LINGO2: variants seen among roughly 807,000 people sequenced by gnomAD.
The protein encoded by LINGO2 is leucine-rich repeat and immunoglobulin-like domain-containing nogo receptor-interacting protein 2.
Under a neutral mutation model 30.6 loss-of-function variants are expected in LINGO2, and 14 were observed. The ratio of observed to expected loss-of-function variants is 0.46; its 90% CI spans 0.30 to 0.72. The LOEUF is 0.72. Among genes scored for constraint, LINGO2 ranks in the 30% least tolerant of loss-of-function variants. The probability of loss-of-function intolerance (pLI) is 0.07; values close to 1 mark genes in which losing one functional copy is unlikely to be tolerated. For missense variants in LINGO2, 729 were observed against 751.7 expected, an observed-to-expected ratio of 0.97 and a Z score of 0.35; for synonymous variants, 317 against 288.5, an observed-to-expected ratio of 1.10 and a Z score of -1.00.
At chr9:28,180,597 T>G (rs1828884375) in intron 4 of LINGO2, among the ~76,000 whole-genome samples, 1 of 152,138 alleles carries the variant, frequency 6.6e-6, no homozygotes, top group Admixed American at 6.6e-5. Context: ...TTATCCTCAC[T>G]CAGGGATGAA....
intron 1 of LINGO2, among the ~76,000 whole-genome samples, chr9:28,604,057 T>C (rs986000274): frequency 1.6e-4 from 24 of 152,042 alleles, no homozygotes; most frequent in African/African-American, 5.3e-4. Flanking sequence ...TATTAAACCA[T>C]GCAAATTCTC....
At chr9:28,883,112 T>C in the LINGO2 span, among the ~76,000 whole-genome samples, 1 of 152,202 alleles carries the variant, frequency 6.6e-6, no homozygotes, top group East Asian at 1.9e-4. Flanking sequence ...GGAGCTGTTA[T>C]CTACCTGTTG....
At chr9:28,531,066 A>T (rs536216014) in intron 1 of LINGO2, among the ~76,000 whole-genome samples, 21 of 145,004 alleles carry the variant, frequency 1.4e-4, no homozygotes, top group African/African-American at 5.0e-4. Context: ...TATATATATA[A>T]TATATAAAAT....
intron 2 of LINGO2, among the ~76,000 whole-genome samples, chr9:28,410,056 G>A (rs1822699064): frequency 6.8e-6 from 1 of 147,916 alleles, no homozygotes; most frequent in Non-Finnish European, 1.5e-5. Flanking sequence ...GAGGGAGAGA[G>A]GAAAGAAGAA....
At chr9:28,890,402 C>T in the LINGO2 span, among the ~76,000 whole-genome samples, 4 of 152,000 alleles carry the variant, frequency 2.6e-5, no homozygotes, top group African/African-American at 9.7e-5. Flanking sequence ...GTACCAGGGG[C>T]AGCACTGCCA....
At chr9:29,021,178 C>G in the LINGO2 span, among the ~76,000 whole-genome samples, 4 of 152,042 alleles carry the variant, frequency 2.6e-5, no homozygotes, top group Non-Finnish European at 4.4e-5. Flanking sequence ...ATATTTAGAA[C>G]AGTTTTGAAA....
At chr9:28,033,189 C>T (rs1249738501) in intron 4 of LINGO2, among the ~76,000 whole-genome samples, 4 of 152,166 alleles carry the variant, frequency 2.6e-5, no homozygotes, top group Non-Finnish European at 4.4e-5. Context: ...AGTGGGCTTG[C>T]ACAGTGTGTT....
chr9:29,077,318 G>A, the LINGO2 span, among the ~76,000 whole-genome samples: 1 of 151,982 alleles, frequency 6.6e-6, no homozygotes, highest in South Asian at 2.1e-4. Flanking sequence ...ATGATCTAGA[G>A]TTTAAATCTA....
intron 1 of LINGO2, among the ~76,000 whole-genome samples, chr9:28,538,941 G>A (rs1821554161): frequency 1.3e-5 from 2 of 151,544 alleles, no homozygotes; most frequent in Non-Finnish European, 2.9e-5. Flanking sequence ...GCATGGCATA[G>A]AAAAAAATAA....
At chr9:28,338,213 C>A (rs1168773784) in intron 3 of LINGO2, among the ~76,000 whole-genome samples, 1 of 152,168 alleles carries the variant, frequency 6.6e-6, no homozygotes, top group African/African-American at 2.4e-5. Flanking sequence ...TAGTTTTGAC[C>A]TTTAATATTT....
At chr9:28,631,166 T>A (rs1169958304) in intron 1 of LINGO2, among the ~76,000 whole-genome samples, 1 of 152,030 alleles carries the variant, frequency 6.6e-6, no homozygotes, top group Admixed American at 6.6e-5. Flanking sequence ...TATTTATTTA[T>A]TTTTTTATTA....
At chr9:28,865,133 G>A in the LINGO2 span, among the ~76,000 whole-genome samples, 14,695 of 152,006 alleles carry the variant, frequency 0.097, 2,275 homozygotes, top group African/African-American at 0.33. Flanking sequence ...CATATACCAC[G>A]GCCTATCCAA....
chr9:29,108,004 T>G, the LINGO2 span, among the ~76,000 whole-genome samples: 1 of 151,808 alleles, frequency 6.6e-6, no homozygotes, highest in Non-Finnish European at 1.5e-5. Flanking sequence ...GCACACAAAA[T>G]CATTATCAAT....
the LINGO2 span, among the ~76,000 whole-genome samples, chr9:28,769,692 T>C: frequency 6.7e-6 from 1 of 150,128 alleles, no homozygotes. Context: ...TTTTTTTTTT[T>C]ACTTAAAATT....
At chr9:28,514,582 C>T (rs910738883) in intron 1 of LINGO2, among the ~76,000 whole-genome samples, 8 of 152,158 alleles carry the variant, frequency 5.3e-5, no homozygotes, top group African/African-American at 1.9e-4. Context: ...CCCTAACTCT[C>T]TTCTATTATA....
chr9:28,728,218 A>G, the LINGO2 span, among the ~76,000 whole-genome samples: 2 of 152,190 alleles, frequency 1.3e-5, no homozygotes, highest in Non-Finnish European at 2.9e-5. Flanking sequence ...GGCACAGGAA[A>G]GAAGGAAGAA....
intron 1 of LINGO2, among the ~76,000 whole-genome samples, chr9:28,579,752 T>C (rs1824165964): frequency 6.6e-6 from 1 of 152,086 alleles, no homozygotes. Context: ...CAGATTTAGC[T>C]GAATTATTTG....
intron 4 of LINGO2, among the ~76,000 whole-genome samples, chr9:28,133,792 T>C (rs1046944906): frequency 6.6e-6 from 1 of 152,182 alleles, no homozygotes; most frequent in African/African-American, 2.4e-5. Context: ...AGATTTGGTC[T>C]TGGGATCTTT....
the LINGO2 span, among the ~76,000 whole-genome samples, chr9:29,164,890 T>C: frequency 3.3e-5 from 5 of 152,188 alleles, no homozygotes; most frequent in Admixed American, 6.5e-5. Context: ...ATTAACTATA[T>C]AATAGTTATA....
Sources: gnomAD v4.1 joint callset for allele counts (sites outside exome capture counted in the v4.1 genomes callset) on GRCh38, gnomAD v4.1.1 for gene constraint, MANE v1.5 for transcripts, NCBI Gene and HGNC (gene_info 2026-07-23, HGNC 2026-07-21) for gene names.